Variants in CD44 observed in about 807,000 individuals in gnomAD.
The protein encoded by CD44 is CD44 antigen.
A neutral mutation model predicts 88.8 loss-of-function variants in CD44; 49 were observed. The ratio of observed to expected loss-of-function variants is 0.55; its 90% confidence interval spans 0.44 to 0.70. The LOEUF (loss-of-function observed/expected upper bound fraction) is 0.70, where lower values mean the gene tolerates loss of function less well. CD44 is among the 30% of genes least tolerant of loss of function. The pLI is 0.00. For missense variants in CD44, 883 were observed against 913.8 expected, an observed-to-expected ratio of 0.97 and a Z score of 0.43; for synonymous variants, 325 against 312.3, an observed-to-expected ratio of 1.04 and a Z score of -0.43.
At chr11:35,222,590 T>A (rs773304016) in intron 17 of CD44, 2 of 718,490 alleles carry the variant, frequency 2.8e-6, no homozygotes, top group African/African-American at 4.2e-5. Context: ...TATTTACATT[T>A]TATATATAAT....
chr11:35,229,256 T>A lies in CD44; in HGVS notation c.2152T>A (p.Ser718Thr). ...EMVHLVNKES[S>T]ETPDQFMTAD... is the part of the protein sequence containing the mutation. Reference sequence around the variant, plus strand: ...GGTGCATTTGGTGAACAAGGAGTCGTCAGAAACTCCAGACCAGTTTATGAC... The same window carrying A: ...GGTGCATTTGGTGAACAAGGAGTCGACAGAAACTCCAGACCAGTTTATGAC... Residue 718 changes from serine (S) to threonine (T), a missense_variant, in exon 18 of 18, where the codon TCA becomes ACA. Coordinates refer to ENST00000428726, the MANE Select transcript of CD44 (RefSeq NM_000610.4). The A allele has an allele frequency of 6.2e-7, 1 of 1,613,876 alleles. No homozygotes were observed. The highest frequency in any genetic ancestry group is 8.5e-7 in the Non-Finnish European group (1 of 1,179,870).
At chr11:35,225,662 C>T (rs950299397) in intron 17 of CD44, among the ~76,000 whole-genome samples, 3 of 152,010 alleles carry the variant, frequency 2.0e-5, no homozygotes, top group Admixed American at 2.0e-4. Flanking sequence ...ACTAAAAACA[C>T]AAAAATTAGC....
chr11:35,188,937 CG>C (rs1257160178), intron 4 of CD44, among the ~76,000 whole-genome samples: 47 of 147,626 alleles, frequency 3.2e-4, no homozygotes, highest in African/African-American at 9.3e-4. Context: ...GACTCCATCT[CG>C]AAAAAAAAAA....
At chr11:35,189,806 G>T in intron 4 of CD44, 29 bp from the exon 5 acceptor site, 1 of 1,461,794 alleles carries the variant, frequency 6.8e-7, no homozygotes, top group Non-Finnish European at 9.6e-7. Flanking sequence ...GAGCTGTGAA[G>T]TTCTGTAAGT....
At chr11:35,197,525 C>G (rs1946874193) in intron 6 of CD44, 1 of 152,380 alleles carries the variant, frequency 6.6e-6, no homozygotes, top group Non-Finnish European at 1.5e-5. Flanking sequence ...AATGATTTCT[C>G]TGTTAATTGG....
At chr11:35,155,447 C>T (rs1419443695) in intron 1 of CD44, among the ~76,000 whole-genome samples, 5 of 152,176 alleles carry the variant, frequency 3.3e-5, no homozygotes, top group African/African-American at 7.2e-5. Context: ...GTGCCACACC[C>T]TCAACCTTTT....
In CD44 at chr11:35,190,022, C is replaced by T; in HGVS notation, c.624C>T (p.Asp208=). Residue 208 remains aspartate, a synonymous_variant, in exon 5 of 18, where the codon GAC becomes GAT. Transcript: ENST00000428726. ...FSTVHPIPDE[D]SPWITDSTDR... ...CTGTACACCCCATCCCAGACGAAGACAGTCCCTGGATCACCGACAGCACAG... is the reference window on the plus strand; with the variant it reads ...CTGTACACCCCATCCCAGACGAAGATAGTCCCTGGATCACCGACAGCACAG... The T allele has an allele frequency of 6.2e-7, 1 of 1,614,222 alleles. No homozygotes were observed. Among genetic ancestry groups the T allele is most frequent in the Non-Finnish European group, 8.5e-7 (1 of 1,180,018 alleles).
At chr11:35,179,983 C>A (rs11033018) in intron 2 of CD44, among the ~76,000 whole-genome samples, 13,183 of 152,194 alleles carry the variant, frequency 0.087, 623 homozygotes, top group African/African-American at 0.11. Flanking sequence ...ATAGACTCAA[C>A]ACTGCTGAAC....
chr11:35,164,116 C>A (rs373714668), intron 1 of CD44, among the ~76,000 whole-genome samples: 22 of 152,080 alleles, frequency 1.4e-4, no homozygotes, highest in African/African-American at 5.3e-4. Flanking sequence ...GCTGCCAGAG[C>A]CTTAGTGTTA....
At chr11:35,168,637 G>A (rs1943554766) in intron 1 of CD44, among the ~76,000 whole-genome samples, 1 of 152,176 alleles carries the variant, frequency 6.6e-6, no homozygotes, top group Admixed American at 6.5e-5. Flanking sequence ...ATCTAATTCT[G>A]CCTCATCCCT....
At position 35,221,513 on chromosome 11, in the gene CD44, A is replaced by G. The variant is rs187646837; in HGVS notation, c.1946-141A>G. ...ATTGCTCTTCCAGAATTACCTGCCT[A>G]TTGGCTGGACCTATTGGCCAGACCC... On this transcript the variant is annotated intron_variant, in intron 16 of 17. Coordinates refer to ENST00000428726, the MANE Select transcript of CD44 (RefSeq NM_000610.4). 7.3e-5 allele frequency: 51 copies of G among 696,378 alleles called. No individual in the cohort carries two copies. In the African/African-American group the frequency reaches 7.7e-4, roughly 11 times the overall value. The allele number at this position is 696,378 out of a possible 1,614,324, so 43.1% of individuals were successfully genotyped here.
chr11:35,139,904 A>G (rs1275152838), intron 1 of CD44, among the ~76,000 whole-genome samples: 1 of 152,260 alleles, frequency 6.6e-6, no homozygotes, highest in Non-Finnish European at 1.5e-5. Context: ...CCAGCTCCCC[A>G]CTGAGCCTTG....
Position 35,206,239 on chromosome 11 carries a change from G to C in CD44, c.1410G>C (p.Arg470Ser). 1 of 1,607,594 alleles carries C rather than the reference G, an allele frequency of 6.2e-7. No homozygotes were observed. Among genetic ancestry groups the C allele is most frequent in the Non-Finnish European group, 8.5e-7 (1 of 1,177,246 alleles). The stretch of plus-strand genomic sequence containing the variant: ...GACGAGGTCATCAAGCAGGAAGAAG[G>C]ATGGGTAATAGCCTCTGAGATTTTT... ...PMGRGHQAGR[R>S]MDMDSSHSIT... is the part of the protein sequence containing the mutation. Residue 470 changes from arginine to serine, a missense_variant, in exon 11 of 18, where the codon AGG becomes AGC. Physicochemically the swap from Arg to Ser is moderately radical, Grantham distance 110. This residue lies in a region of CD44 where 631 missense variants were observed against 590.9 expected (regional missense o/e 1.07). Transcript: ENST00000428726.
chr11:35,166,414 C>A (rs1037300363), intron 1 of CD44, among the ~76,000 whole-genome samples: 9 of 152,294 alleles, frequency 5.9e-5, no homozygotes, highest in South Asian at 2.1e-4. Context: ...GTTCTCCATA[C>A]CCTCACCTCC....
At chr11:35,142,038 T>C (rs1401212722) in intron 1 of CD44, among the ~76,000 whole-genome samples, 5 of 152,166 alleles carry the variant, frequency 3.3e-5, no homozygotes, top group African/African-American at 1.2e-4. Context: ...TAAGTGACAT[T>C]GGACCCAGAA....
chr11:35,157,205 A>T (rs1941980454), intron 1 of CD44, among the ~76,000 whole-genome samples: 1 of 152,180 alleles, frequency 6.6e-6, no homozygotes, highest in African/African-American at 2.4e-5. Flanking sequence ...TATCCACTTC[A>T]GTATTGGGGT....
intron 8 of CD44, among the ~76,000 whole-genome samples, chr11:35,201,463 A>G (rs1477993353): frequency 6.6e-6 from 1 of 152,172 alleles, no homozygotes; most frequent in Admixed American, 6.5e-5. Flanking sequence ...ATCATAGTGG[A>G]ATAATAAGGG....
chr11:35,145,178 C>A (rs1858870010), intron 1 of CD44, among the ~76,000 whole-genome samples: 2 of 152,240 alleles, frequency 1.3e-5, no homozygotes, highest in Admixed American at 1.3e-4. Context: ...GTATCTTCTC[C>A]TGTCTTCTGC....
intron 1 of CD44, among the ~76,000 whole-genome samples, chr11:35,141,400 G>T (rs1857903587): frequency 6.6e-6 from 1 of 152,204 alleles, no homozygotes; most frequent in Non-Finnish European, 1.5e-5. Flanking sequence ...CCCTTGAAAA[G>T]TGGAAACATT....
Sources: gnomAD v4.1 joint callset for allele counts (sites outside exome capture counted in the v4.1 genomes callset) on GRCh38, gnomAD v4.1.1 for gene constraint, gnomAD v4.1.1 regional missense constraint, MANE v1.5 for transcripts, NCBI Gene and HGNC (gene_info 2026-07-23, HGNC 2026-07-21) for gene names.